Variants in CNTNAP5 observed in about 807,000 individuals in gnomAD.
CNTNAP5 encodes the protein contactin associated protein family member 5, also known as contactin-associated protein-like 5.
Under a neutral mutation model 150.2 loss-of-function variants are expected in CNTNAP5, and 72 were observed. The ratio of observed to expected loss-of-function variants is 0.48; its 90% CI spans 0.40 to 0.58. CNTNAP5 has a LOEUF of 0.58. Ranked by LOEUF, CNTNAP5 falls within the 20% of genes least tolerant of loss-of-function variation. The pLI, the probability that CNTNAP5 is intolerant of heterozygous loss-of-function variation, is 0.00. For synonymous variants in CNTNAP5, 672 were observed against 619.8 expected (o/e 1.08, Z -1.25); for missense variants, 1,636 against 1,626.2 (o/e 1.01, Z -0.10).
intron 13 of CNTNAP5, among the ~76,000 whole-genome samples, chr2:124,725,386 C>A (rs1225084636): frequency 6.6e-6 from 1 of 151,920 alleles, no homozygotes; most frequent in Non-Finnish European, 1.5e-5. Context: ...ATGATTACCA[C>A]AATGAAGTTA....
chr2:124,773,144 T>C (rs1200067746), intron 17 of CNTNAP5, 127 bp downstream of exon 17: 5 of 744,404 alleles, frequency 6.7e-6, no homozygotes. Context: ...TCATTTCTAA[T>C]GGTAAATTTC....
intron 21 of CNTNAP5, among the ~76,000 whole-genome samples, chr2:124,892,687 C>T (rs188253558): frequency 3.9e-5 from 6 of 152,216 alleles, no homozygotes; most frequent in African/African-American, 1.4e-4. Context: ...AAGAGCTAAG[C>T]AGGCAACCTT....
intron 3 of CNTNAP5, among the ~76,000 whole-genome samples, chr2:124,322,664 C>A (rs963024040): frequency 1.3e-5 from 2 of 152,108 alleles, no homozygotes; most frequent in Non-Finnish European, 2.9e-5. Context: ...ATAGTCTCAG[C>A]TGAAAATTGA....
At chr2:124,680,843 T>G (rs1205055565) in intron 13 of CNTNAP5, 1 of 151,762 alleles carries the variant, frequency 6.6e-6, no homozygotes, top group Non-Finnish European at 1.5e-5. Context: ...ACCTTTTTTG[T>G]GGGGGTTGGC....
intron 7 of CNTNAP5, among the ~76,000 whole-genome samples, chr2:124,479,034 C>A (rs866030764): frequency 9.2e-5 from 14 of 152,234 alleles, no homozygotes; most frequent in African/African-American, 2.9e-4. Context: ...TCAATTTAGT[C>A]TTTATAGCTC....
At chr2:124,428,963 C>G (rs1179438560) in intron 4 of CNTNAP5, among the ~76,000 whole-genome samples, 1 of 152,172 alleles carries the variant, frequency 6.6e-6, no homozygotes, top group African/African-American at 2.4e-5. Flanking sequence ...CCTTTCTACA[C>G]ACTTTCTTTT....
At chr2:124,368,170 C>T (rs114708546) in intron 3 of CNTNAP5, among the ~76,000 whole-genome samples, 1 of 152,132 alleles carries the variant, frequency 6.6e-6, no homozygotes, top group Non-Finnish European at 1.5e-5. Context: ...TTGATTAGTG[C>T]AATCCTGATA....
At chr2:124,818,270 G>A (rs543571312) in intron 19 of CNTNAP5, among the ~76,000 whole-genome samples, 2 of 152,180 alleles carry the variant, frequency 1.3e-5, no homozygotes, top group Non-Finnish European at 2.9e-5. Context: ...ATCCCTGGAA[G>A]TATTAGGTAA....
At chr2:124,413,452 T>C (rs1422622127) in intron 3 of CNTNAP5, among the ~76,000 whole-genome samples, 3 of 134,742 alleles carry the variant, frequency 2.2e-5, no homozygotes, top group Non-Finnish European at 4.8e-5. Flanking sequence ...TGCGGCATTA[T>C]TCACAATAGC....
chr2:124,025,840 A>T (rs1680872164), intron 1 of CNTNAP5, 108 bp downstream of exon 1: 1 of 966,374 alleles, frequency 1.0e-6, no homozygotes. Flanking sequence ...GGGCAAAGGA[A>T]ACGGAAAAAA....
chr2:124,029,755 A>C (rs1680992771), intron 1 of CNTNAP5, among the ~76,000 whole-genome samples: 2 of 152,112 alleles, frequency 1.3e-5, no homozygotes, highest in South Asian at 4.1e-4. Context: ...TTGTTAAAAA[A>C]ACAAAGTAAT....
intron 8 of CNTNAP5, among the ~76,000 whole-genome samples, chr2:124,521,862 A>T (rs1245023860): frequency 6.6e-6 from 1 of 152,166 alleles, no homozygotes; most frequent in Non-Finnish European, 1.5e-5. Context: ...CACCTGACAG[A>T]TTCTCTGTCT....
chr2:124,463,912 C>T lies in CNTNAP5; in HGVS notation c.919-10827C>T, dbSNP rs77452399. Among the ~76,000 whole-genome samples, 6 of 152,150 alleles carry T rather than the reference C, an allele frequency of 3.9e-5. No homozygotes were observed. The East Asian group carries it at 1.2e-3, about 29-fold the overall frequency. On this transcript the variant is annotated intron_variant, in intron 6 of 23. Coordinates refer to ENST00000682447, the MANE Select transcript of CNTNAP5 (RefSeq NM_001367498.1). ...TTGTGGCTCCAAGGTCTCAGTCAAG[C>T]TGCTAAACCTCTGTATGCTGTCATT...
intron 12 of CNTNAP5, among the ~76,000 whole-genome samples, chr2:124,640,600 C>T (rs1320974787): frequency 2.6e-5 from 4 of 152,142 alleles, no homozygotes; most frequent in African/African-American, 9.7e-5. Flanking sequence ...GAAAACAGCT[C>T]CTGGGGGATT....
At chr2:124,083,420 C>A (rs1682604907) in intron 1 of CNTNAP5, among the ~76,000 whole-genome samples, 1 of 151,908 alleles carries the variant, frequency 6.6e-6, no homozygotes, top group African/African-American at 2.4e-5. Flanking sequence ...TTTTTCATTC[C>A]CATGTTTAGG....
At chr2:124,827,648 TG>T (rs1028684101) in intron 19 of CNTNAP5, among the ~76,000 whole-genome samples, 1 of 152,228 alleles carries the variant, frequency 6.6e-6, no homozygotes, top group African/African-American at 2.4e-5. Flanking sequence ...CATATTTTTT[TG>T]ATTTGTAAAT....
intron 19 of CNTNAP5, among the ~76,000 whole-genome samples, chr2:124,836,775 T>C (rs1682837865): frequency 6.6e-6 from 1 of 152,114 alleles, no homozygotes; most frequent in African/African-American, 2.4e-5. Context: ...TGTCAGTATA[T>C]AAATATGCTC....
chr2:124,373,169 A>C (rs2104729185), intron 3 of CNTNAP5, among the ~76,000 whole-genome samples: 1 of 152,266 alleles, frequency 6.6e-6, no homozygotes, highest in South Asian at 2.1e-4. Flanking sequence ...AACATTCGAT[A>C]AATTTTTTAT....
intron 13 of CNTNAP5, among the ~76,000 whole-genome samples, chr2:124,703,138 C>T (rs1679558132): frequency 1.4e-5 from 2 of 148,024 alleles, no homozygotes. Flanking sequence ...TGTCTCCCTC[C>T]CTCCCTTCTT....
Sources: gnomAD v4.1 joint callset for allele counts (sites outside exome capture counted in the v4.1 genomes callset) on GRCh38, gnomAD v4.1.1 for gene constraint, MANE v1.5 for transcripts, NCBI Gene and HGNC (gene_info 2026-07-23, HGNC 2026-07-21) for gene names.